The following TEX2 variants were observed in gnomAD, a reference collection of about 807,000 sequenced individuals.
TEX2 encodes testis expressed 2, also known as testis-expressed protein 2.
TEX2 carries 53 observed loss-of-function variants against 106.9 expected under a neutral mutation model. That is an observed-to-expected ratio of 0.50 (90% CI 0.40 to 0.62). TEX2 has a LOEUF of 0.62. Ranked by LOEUF, TEX2 falls within the 20% of genes least tolerant of loss-of-function variation. The pLI, the probability that TEX2 is intolerant of heterozygous loss-of-function variation, is 0.00. For missense variants in TEX2, 1,207 were observed against 1,379.0 expected (o/e 0.88, Z 1.98); for synonymous variants, 523 against 534.8 (o/e 0.98, Z 0.30).
At chr17:64,172,181 G>A (rs374985379) in intron 6 of TEX2, among the ~76,000 whole-genome samples, 71 of 151,702 alleles carry the variant, frequency 4.7e-4, no homozygotes, top group Middle Eastern at 6.8e-3. Flanking sequence ...GGTGAAACCC[G>A]TCTCTACTAA....
intron 1 of TEX2, among the ~76,000 whole-genome samples, chr17:64,244,096 C>A (rs562158252): frequency 6.6e-6 from 1 of 152,116 alleles, no homozygotes; most frequent in African/African-American, 2.4e-5. Flanking sequence ...TGTGAACCAC[C>A]GCGCCCAGCC....
chr17:64,241,848 G>A (rs1555635812), intron 1 of TEX2, among the ~76,000 whole-genome samples: 1 of 152,058 alleles, frequency 6.6e-6, no homozygotes, highest in African/African-American at 2.4e-5. Flanking sequence ...GCCCAAACTG[G>A]TCTCAAACTC....
chr17:64,193,900 A>T lies in TEX2; in HGVS notation c.1846-11T>A. 6.6e-7 allele frequency: 1 copy of T among 1,504,642 alleles called. No homozygotes were observed. Among genetic ancestry groups the T allele is most frequent in the Non-Finnish European group, 8.9e-7 (1 of 1,121,724 alleles). 93.2% of individuals were successfully genotyped at this position (1,504,642 alleles called of 1,614,324 possible). On this transcript the variant is annotated splice_polypyrimidine_tract_variant and intron_variant, in intron 3 of 11. Transcript: ENST00000584379. ...AGGTACAAGATAAATCTACAGAGAAAGAAAAATGATGATTTATATATTAAA... is the reference window on the plus strand; with the variant it reads ...AGGTACAAGATAAATCTACAGAGAATGAAAAATGATGATTTATATATTAAA...
At chr17:64,254,506 A>G (rs1389864418) in intron 1 of TEX2, among the ~76,000 whole-genome samples, 1 of 152,248 alleles carries the variant, frequency 6.6e-6, no homozygotes, top group Non-Finnish European at 1.5e-5. Context: ...AAAGCTTCCA[A>G]TTCTCAGTTG....
rs1327668335 is a variant in TEX2 at position 64,213,548 on chromosome 17, C to T, written c.670G>A (p.Asp224Asn). ...GTATCCGACTCCTGCCGGGAAGTGT[C>T]CGTGGACAGAGACTTGACTAATGTC... ...MKTLVKSLST[D>N]TSRQESDTVS... Residue 224 changes from aspartate (D) to asparagine (N), a missense_variant, in exon 2 of 12, where the codon GAC becomes AAC. This residue lies in a region of TEX2 where 1,067 missense variants were observed against 1,193.6 expected (regional missense o/e 0.89). Coordinates refer to ENST00000584379, the MANE Select transcript of TEX2 (RefSeq NM_001288732.2). The surrounding 1 kb of genome is among the most constrained non-coding windows in gnomAD (Gnocchi z 4.4). The T allele has an allele frequency of 6.2e-6, 10 of 1,613,986 alleles. No individual in the cohort carries two copies. The highest frequency in any genetic ancestry group is 7.6e-6 in the Non-Finnish European group (9 of 1,180,030).
At chr17:64,250,113 G>T (rs1366416997) in intron 1 of TEX2, among the ~76,000 whole-genome samples, 1 of 152,200 alleles carries the variant, frequency 6.6e-6, no homozygotes, top group Non-Finnish European at 1.5e-5. Flanking sequence ...TCCTACAGCA[G>T]TTTCTGCTCC....
chr17:64,164,281 T>C (rs1046940472), intron 7 of TEX2, among the ~76,000 whole-genome samples: 11 of 152,008 alleles, frequency 7.2e-5, no homozygotes, highest in African/African-American at 1.7e-4. Context: ...CTACTAAAAA[T>C]ACACAAATTA....
chr17:64,161,515 T>C (rs1416861398), intron 7 of TEX2, among the ~76,000 whole-genome samples: 1 of 152,204 alleles, frequency 6.6e-6, no homozygotes, highest in Non-Finnish European at 1.5e-5. Flanking sequence ...TGCCCACTGA[T>C]GGGAACCAAA....
intron 2 of TEX2, among the ~76,000 whole-genome samples, chr17:64,210,086 A>G (rs1399394186): frequency 6.6e-6 from 1 of 152,248 alleles, no homozygotes; most frequent in African/African-American, 2.4e-5. Flanking sequence ...GTCAGTCATT[A>G]GGTACTAGAG....
At chr17:64,249,932 C>T (rs2034059812) in intron 1 of TEX2, among the ~76,000 whole-genome samples, 1 of 152,172 alleles carries the variant, frequency 6.6e-6, no homozygotes, top group Admixed American at 6.5e-5. Context: ...CCATCAGGAT[C>T]GAATACCACT....
chr17:64,238,567 C>G (rs782604994), intron 1 of TEX2, among the ~76,000 whole-genome samples: 1 of 152,230 alleles, frequency 6.6e-6, no homozygotes, highest in Non-Finnish European at 1.5e-5. Context: ...GGGAAACTTA[C>G]AATCACGGCA....
Position 64,147,823 on chromosome 17 carries a change from AT to A in TEX2, c.*1145del, listed in dbSNP as rs1180199673. ...TTAGCTTTGTCCACACATGTAAGTT[AT>A]CAAAAGTTACCCAAGGTAATTTTGA... On this transcript the variant is annotated 3_prime_UTR_variant, in exon 12 of 12. Coordinates refer to ENST00000584379, the MANE Select transcript of TEX2 (RefSeq NM_001288732.2). 6.6e-6 allele frequency: 1 copy of A among 152,004 alleles called. No individual in the cohort carries two copies. Among genetic ancestry groups the A allele is most frequent in the African/African-American group, 2.4e-5 (1 of 41,436 alleles). 9.4% of individuals were successfully genotyped at this position (152,004 alleles called of 1,614,324 possible).
chr17:64,177,309 G>C lies in TEX2; in HGVS notation c.2571+16C>G. 4.3e-6 allele frequency: 7 copies of C among 1,613,964 alleles called. No individual in the cohort carries two copies. The highest frequency in any genetic ancestry group is 5.9e-6 in the Non-Finnish European group (7 of 1,179,946). On this transcript the variant is annotated intron_variant, in intron 6 of 11. Transcript: ENST00000584379. Reference sequence around the variant, plus strand: ...AAGTATAGAGGATTAGAAGCCTCTTGTGTGGAAAGTGATACCTTTATTTTG... The same window carrying C: ...AAGTATAGAGGATTAGAAGCCTCTTCTGTGGAAAGTGATACCTTTATTTTG...
intron 10 of TEX2, 139 bp downstream of exon 10, chr17:64,152,806 A>T: frequency 2.7e-6 from 2 of 729,778 alleles, no homozygotes; most frequent in Non-Finnish European, 4.5e-6. Context: ...AACTAATATT[A>T]AGGTCCCATG....
intron 2 of TEX2, among the ~76,000 whole-genome samples, chr17:64,208,725 A>G (rs555767888): frequency 2.6e-5 from 4 of 152,178 alleles, no homozygotes; most frequent in Non-Finnish European, 4.4e-5. Flanking sequence ...CCTGGACTCA[A>G]GTGATCCTCC....
At chr17:64,166,814 T>C (rs2031160725) in intron 7 of TEX2, among the ~76,000 whole-genome samples, 2 of 152,280 alleles carry the variant, frequency 1.3e-5, no homozygotes, top group Middle Eastern at 3.4e-3. Context: ...ATAAAATGAC[T>C]GGAAAGAGTT....
intron 2 of TEX2, among the ~76,000 whole-genome samples, chr17:64,197,705 C>T (rs1045998455): frequency 4.6e-5 from 7 of 152,220 alleles, no homozygotes; most frequent in Admixed American, 1.3e-4. Context: ...GCTACAGATA[C>T]GTGTCACTAC....
intron 1 of TEX2, among the ~76,000 whole-genome samples, chr17:64,219,993 A>C (rs1260310879): frequency 6.6e-6 from 1 of 152,230 alleles, no homozygotes; most frequent in African/African-American, 2.4e-5. Context: ...TGCCCTTAAA[A>C]GATATGAGGA....
intron 1 of TEX2, among the ~76,000 whole-genome samples, chr17:64,251,576 A>C (rs1398070020): frequency 6.6e-6 from 1 of 152,168 alleles, no homozygotes; most frequent in Admixed American, 6.5e-5. Flanking sequence ...GTAACTTCAA[A>C]GTTCCCGGGG....
Sources: allele counts gnomAD v4.1 joint callset (sites outside exome capture counted in the v4.1 genomes callset), GRCh38; gene constraint gnomAD v4.1.1; regional missense constraint gnomAD v4.1.1; non-coding constraint Gnocchi (gnomAD v3.1); transcripts MANE v1.5; gene names NCBI Gene and HGNC (gene_info 2026-07-23, HGNC 2026-07-21).